Variants in DOK6 observed in about 807,000 individuals in gnomAD.
DOK6 encodes the protein downstream of tyrosine kinase 6.
A neutral mutation model predicts 44.0 loss-of-function variants in DOK6; 22 were observed. The ratio of observed to expected loss-of-function variants is 0.50; its 90% CI spans 0.36 to 0.71. The LOEUF (loss-of-function observed/expected upper bound fraction) is 0.71, where lower values mean the gene tolerates loss of function less well. DOK6 is among the 30% of genes least tolerant of loss of function. The pLI, the probability that DOK6 is intolerant of heterozygous loss-of-function variation, is 0.00. For missense variants in DOK6, 340 were observed against 416.4 expected, an observed-to-expected ratio of 0.82 and a Z score of 1.60; for synonymous variants, 166 against 145.5, an observed-to-expected ratio of 1.14 and a Z score of -1.01.
chr18:69,506,378 C>A (rs1167695188), intron 1 of DOK6, among the ~76,000 whole-genome samples: 1 of 152,120 alleles, frequency 6.6e-6, no homozygotes, highest in African/African-American at 2.4e-5. Context: ...TCACTCCCCA[C>A]AAATTTCCTT....
chr18:69,794,021 T>C (rs760301205), intron 7 of DOK6, among the ~76,000 whole-genome samples: 30 of 152,250 alleles, frequency 2.0e-4, no homozygotes, highest in Non-Finnish European at 2.6e-4. Context: ...CCTGACAGAA[T>C]TATGAAGCTT....
chr18:69,683,274 G>A (rs1364190489), intron 4 of DOK6, among the ~76,000 whole-genome samples: 2 of 152,050 alleles, frequency 1.3e-5, no homozygotes, highest in Non-Finnish European at 2.9e-5. Context: ...TGACAATAAT[G>A]ACGACCTGCT....
At chr18:69,547,705 C>T (rs999683612) in intron 1 of DOK6, among the ~76,000 whole-genome samples, 1 of 151,048 alleles carries the variant, frequency 6.6e-6, no homozygotes, top group Admixed American at 6.6e-5. Context: ...CATCCACCCT[C>T]ATCCATACAC....
At chr18:69,509,597 C>T (rs958399221) in intron 1 of DOK6, among the ~76,000 whole-genome samples, 1 of 141,284 alleles carries the variant, frequency 7.1e-6, no homozygotes, top group Non-Finnish European at 1.5e-5. Flanking sequence ...GAGATCGCGC[C>T]GCTGCACTCC....
intron 2 of DOK6, among the ~76,000 whole-genome samples, chr18:69,590,056 T>G (rs987928782): frequency 8.5e-5 from 13 of 152,134 alleles, no homozygotes; most frequent in African/African-American, 3.1e-4. Flanking sequence ...TATTCTTCAG[T>G]CTTTGCTTCT....
intron 7 of DOK6, among the ~76,000 whole-genome samples, chr18:69,827,593 T>A (rs909853923): frequency 1.3e-5 from 2 of 152,048 alleles, no homozygotes; most frequent in African/African-American, 4.8e-5. Flanking sequence ...TTAACACATA[T>A]CGTCGAAGTC....
intron 3 of DOK6, among the ~76,000 whole-genome samples, chr18:69,625,561 A>G (rs1287873076): frequency 6.6e-6 from 1 of 152,220 alleles, no homozygotes; most frequent in East Asian, 1.9e-4. Flanking sequence ...TCAGATGCTC[A>G]CATCGTAAGG....
At chr18:69,656,531 T>C (rs1985371726) in intron 3 of DOK6, among the ~76,000 whole-genome samples, 1 of 152,210 alleles carries the variant, frequency 6.6e-6, no homozygotes, top group Admixed American at 6.5e-5. Context: ...ACTTATATCA[T>C]AGGTTTGTCA....
At chr18:69,456,975 GC>G (rs1345934858) in intron 1 of DOK6, among the ~76,000 whole-genome samples, 1 of 152,052 alleles carries the variant, frequency 6.6e-6, no homozygotes, top group Non-Finnish European at 1.5e-5. Context: ...CATGTCCTTT[GC>G]CCATTTTTAA....
At chr18:69,821,801 A>ATTTTT (rs1555673049) in intron 7 of DOK6, among the ~76,000 whole-genome samples, 2 of 113,378 alleles carry the variant, frequency 1.8e-5, no homozygotes, top group African/African-American at 3.1e-5. Flanking sequence ...TTTTTTTTTA[A>ATTTTT]AAAAAATCCT....
At chr18:69,753,369 C>T (rs889600920) in intron 6 of DOK6, among the ~76,000 whole-genome samples, 2 of 152,100 alleles carry the variant, frequency 1.3e-5, no homozygotes, top group Non-Finnish European at 2.9e-5. Context: ...GTGTTATATT[C>T]AAACAAAGGT....
intron 1 of DOK6, among the ~76,000 whole-genome samples, chr18:69,517,779 C>G (rs1981572572): frequency 6.6e-6 from 1 of 151,296 alleles, no homozygotes; most frequent in Non-Finnish European, 1.5e-5. Context: ...TACTGTGTTC[C>G]AAGCAGCAAA....
At chr18:69,741,377 T>C (rs1978793019) in intron 6 of DOK6, among the ~76,000 whole-genome samples, 1 of 152,250 alleles carries the variant, frequency 6.6e-6, no homozygotes, top group South Asian at 2.1e-4. Flanking sequence ...CCTTTCCAAG[T>C]GCAAGCTGCC....
chr18:69,711,407 G>A (rs769342761), intron 5 of DOK6, among the ~76,000 whole-genome samples: 16 of 152,148 alleles, frequency 1.1e-4, no homozygotes, highest in South Asian at 1.0e-3. Context: ...TTTTCATACC[G>A]TTGTTAAAAA....
At chr18:69,570,493 G>A (rs1451860095) in intron 2 of DOK6, among the ~76,000 whole-genome samples, 1 of 151,940 alleles carries the variant, frequency 6.6e-6, no homozygotes, top group East Asian at 1.9e-4. Flanking sequence ...CCATTGCAAA[G>A]AAAGAAGAGA....
chr18:69,777,153 A>C, intron 7 of DOK6, among the ~76,000 whole-genome samples: 1 of 151,894 alleles, frequency 6.6e-6, no homozygotes, highest in East Asian at 1.9e-4. Flanking sequence ...AAAAAAAAAA[A>C]AGACAGGATA....
chr18:69,508,491 T>C (rs992297004), intron 1 of DOK6, among the ~76,000 whole-genome samples: 1 of 152,178 alleles, frequency 6.6e-6, no homozygotes, highest in African/African-American at 2.4e-5. Flanking sequence ...TCCAATTTTG[T>C]TGGAAAGTTT....
At chr18:69,508,324 C>T (rs1222892773) in intron 1 of DOK6, among the ~76,000 whole-genome samples, 1 of 151,818 alleles carries the variant, frequency 6.6e-6, no homozygotes, top group East Asian at 1.9e-4. Context: ...TTTATTTTTT[C>T]CTCTTGTGAT....
intron 7 of DOK6, among the ~76,000 whole-genome samples, chr18:69,810,416 G>T (rs1981188186): frequency 6.6e-6 from 1 of 151,672 alleles, no homozygotes; most frequent in African/African-American, 2.4e-5. Flanking sequence ...TGATTTTTTT[G>T]ATATTATATG....
Sources: gnomAD v4.1 joint callset for allele counts (sites outside exome capture counted in the v4.1 genomes callset) on GRCh38, gnomAD v4.1.1 for gene constraint, MANE v1.5 for transcripts, NCBI Gene and HGNC (gene_info 2026-07-23, HGNC 2026-07-21) for gene names.